Variants in SRPRB observed in about 807,000 individuals in gnomAD.
The protein encoded by SRPRB is signal recognition particle receptor subunit beta.
A neutral mutation model predicts 31.9 loss-of-function variants in SRPRB; 20 were observed. That is an observed-to-expected ratio of 0.63 (90% CI 0.44 to 0.91). SRPRB has a LOEUF of 0.91. Ranked by LOEUF, SRPRB falls within the 40% of genes least tolerant of loss-of-function variation. The pLI, the probability that SRPRB is intolerant of heterozygous loss-of-function variation, is 0.00. For missense variants in SRPRB, 321 were observed against 324.9 expected, an observed-to-expected ratio of 0.99 and a Z score of 0.09; for synonymous variants, 146 against 132.8, an observed-to-expected ratio of 1.10 and a Z score of -0.68.
chr3:133,793,312 T>A (rs1025291144), intron 1 of SRPRB: 1 of 152,108 alleles, frequency 6.6e-6, no homozygotes, highest in Non-Finnish European at 1.5e-5. Context: ...TGGAATTCCA[T>A]TTCATAATGT....
chr3:133,816,344 C>A (rs747025755), intron 5 of SRPRB, among the ~76,000 whole-genome samples: 5 of 152,166 alleles, frequency 3.3e-5, no homozygotes, highest in Non-Finnish European at 7.4e-5. Flanking sequence ...CATTACCTGA[C>A]CTCTTTATTT....
At chr3:133,828,166 C>T (rs139762506), downstream of SRPRB, 468 of 591,804 alleles carry the variant, frequency 7.9e-4, 1 homozygote, top group African/African-American at 5.1e-3. Context: ...CAGCTCCACA[C>T]GAGGTTGACG....
At chr3:133,818,819 TGTG>T in intron 6 of SRPRB, among the ~76,000 whole-genome samples, 1 of 151,754 alleles carries the variant, frequency 6.6e-6, no homozygotes, top group Non-Finnish European at 1.5e-5. Context: ...TGTGTGTGTG[TGTG>T]TTCCTTCCTA....
chr3:133,805,757 A>AACC (rs1380932085), upstream of SRPRB: 9 of 1,484,854 alleles, frequency 6.1e-6, no homozygotes, highest in South Asian at 1.4e-5. Context: ...ATGGCTTAGG[A>AACC]ACCACCATTC....
chr3:133,805,872 G>C lies in SRPRB; in HGVS notation c.24G>C (p.Arg8=), dbSNP rs1200819023. 1.2e-6 allele frequency: 2 copies of C among 1,612,178 alleles called. No homozygotes were observed. The highest frequency in any genetic ancestry group is 1.1e-5 in the South Asian group (1 of 90,814). Residue 8 remains arginine, a synonymous_variant, in exon 1 of 7, where the codon CGG becomes CGC. Coordinates refer to ENST00000678299, the MANE Select transcript of SRPRB (RefSeq NM_001379313.1). ...CCATGGCTTCCGCGGACTCGCGCCG[G>C]GTGGCAGATGGCGGCGGTGCCGGGG... MASADSR[R]VADGGGAGGT...
Position 133,816,898 on chromosome 3 carries a change from G to A in SRPRB, c.568G>A (p.Ala190Thr), listed in dbSNP as rs769558145. ...TACAGATATTGCAATGGCAAAATCA[G>A]CAAAGTTAATTCAACAGCAGCTGGA... The part of the protein sequence containing the change: ...NKQDIAMAKS[A>T]KLIQQQLEKE... Residue 190 changes from alanine to threonine, a missense_variant, in exon 6 of 7, where the codon GCA (alanine) becomes ACA (threonine). Transcript: ENST00000678299. 5.0e-6 allele frequency: 8 copies of A among 1,609,696 alleles called. 1 individual carries two copies. In the South Asian group the frequency reaches 7.8e-5, roughly 16 times the overall value.
chr3:133,805,784 C>A, upstream of SRPRB: 1 of 1,517,214 alleles, frequency 6.6e-7, no homozygotes, highest in Non-Finnish European at 8.8e-7. Context: ...GGCTCTGCTC[C>A]CCGCGCCTGC....
At chr3:133,804,111 A>AG (rs1385612882), upstream of SRPRB, among the ~76,000 whole-genome samples, 7 of 150,516 alleles carry the variant, frequency 4.7e-5, no homozygotes, top group East Asian at 5.9e-4. Flanking sequence ...AAAAAAAAAA[A>AG]AAAAAGAAAA....
At chr3:133,792,331 T>C (rs1934861306) in intron 1 of SRPRB, 1 of 152,240 alleles carries the variant, frequency 6.6e-6, no homozygotes, top group Admixed American at 6.5e-5. Flanking sequence ...AGATGGTCTG[T>C]GTAAGTCATG....
At chr3:133,806,791 AAAGAAGCTGATGCTGTTAAAT>A (rs1438476334) in intron 2 of SRPRB, 88 bp downstream of exon 2, 1 of 1,040,106 alleles carries the variant, frequency 9.6e-7, no homozygotes, top group Non-Finnish European at 1.5e-6. Flanking sequence ...TTATTTTGTA[AAAGAAGCTGATGCTGTTAAAT>A]TTGGAAGTTA....
intron 1 of SRPRB, among the ~76,000 whole-genome samples, chr3:133,799,189 A>G (rs78092702): frequency 0.015 from 2,346 of 152,294 alleles, 20 homozygotes; most frequent in Non-Finnish European, 0.024. Flanking sequence ...CTTCAAACAC[A>G]TATGTCCTTT....
chr3:133,804,707 C>T (rs1425564075), upstream of SRPRB, among the ~76,000 whole-genome samples: 1 of 151,896 alleles, frequency 6.6e-6, no homozygotes, highest in African/African-American at 2.4e-5. Flanking sequence ...GGCCTTTCAC[C>T]AGCTCCATTT....
At chr3:133,787,056 T>A (rs951236914) in intron 1 of SRPRB, 5 of 152,280 alleles carry the variant, frequency 3.3e-5, no homozygotes, top group Non-Finnish European at 7.3e-5. Flanking sequence ...GGTAATATGC[T>A]AGTGTGTTCA....
At position 133,806,722 on chromosome 3, in the gene SRPRB, A is replaced by C; in HGVS notation, c.249+19A>C. On this transcript the variant is annotated intron_variant, in intron 2 of 6. Coordinates refer to ENST00000678299, the MANE Select transcript of SRPRB (RefSeq NM_001379313.1). ...TGTCAGGGTAAATGATTTCATTGAC[A>C]CCCCTGTTAAGCTTAATAGAAAATT... 1 of 1,587,252 alleles carries C rather than the reference A, an allele frequency of 6.3e-7. No individual in the cohort carries two copies.
intron 4 of SRPRB, among the ~76,000 whole-genome samples, chr3:133,811,581 T>G (rs1267711605): frequency 7.7e-6 from 1 of 129,184 alleles, no homozygotes. Context: ...ATATATAGTG[T>G]TTTTTTGTTT....
chr3:133,816,845 T>C (rs1935374796), intron 5 of SRPRB, 33 bp from the exon 6 acceptor site: 4 of 1,573,718 alleles, frequency 2.5e-6, no homozygotes, highest in Non-Finnish European at 3.5e-6. Context: ...TCATTCTCGT[T>C]TAAACTACAA....
At chr3:133,822,058 C>T (rs1314263864), downstream of SRPRB, among the ~76,000 whole-genome samples, 22 of 152,054 alleles carry the variant, frequency 1.4e-4, no homozygotes, top group Admixed American at 1.4e-3. Context: ...TCTCTCCACT[C>T]AGGTGGTGCC....
At chr3:133,789,780 G>GT (rs1934781924) in intron 1 of SRPRB, 1 of 150,410 alleles carries the variant, frequency 6.6e-6, no homozygotes, top group Non-Finnish European at 1.5e-5. Context: ...TTTTGTCTGG[G>GT]TTTTATATTT....
rs1259939078 is a variant in SRPRB at position 133,820,598 on chromosome 3, A to G, written c.*832A>G. The G allele has an allele frequency of 6.6e-6, 1 of 152,206 alleles. No individual in the cohort carries two copies. The highest frequency in any genetic ancestry group is 2.4e-5 in the African/African-American group (1 of 41,448). The allele number at this position is 152,206 out of a possible 1,614,324, so 9.4% of individuals were successfully genotyped here. A position where few individuals can be genotyped will look rare whatever the true frequency, so the allele number is the denominator to read the frequency against. On this transcript the variant is annotated 3_prime_UTR_variant, in exon 7 of 7. Coordinates refer to ENST00000678299, the MANE Select transcript of SRPRB (RefSeq NM_001379313.1). ...CTCCTGGCTAGAATGCTGTGGAACAAATACAAAGTGAAAAAAGTTCTCTGT... is the reference window on the plus strand; with the variant it reads ...CTCCTGGCTAGAATGCTGTGGAACAGATACAAAGTGAAAAAAGTTCTCTGT...
Sources: gnomAD v4.1 joint callset for allele counts (sites outside exome capture counted in the v4.1 genomes callset) on GRCh38, gnomAD v4.1.1 for gene constraint, MANE v1.5 for transcripts, NCBI Gene and HGNC (gene_info 2026-07-23, HGNC 2026-07-21) for gene names.